Variants in CNTN4 observed in about 807,000 individuals in gnomAD.
CNTN4 encodes contactin-4.
A neutral mutation model predicts 122.5 loss-of-function variants in CNTN4; 77 were observed. That is an observed-to-expected ratio of 0.63 (90% CI 0.52 to 0.76). The LOEUF (loss-of-function observed/expected upper bound fraction) is 0.76. Among genes scored for constraint, CNTN4 ranks in the 30% least tolerant of loss-of-function variants. CNTN4 has a pLI of 0.00. For synonymous variants in CNTN4, 512 were observed against 447.0 expected (o/e 1.15, Z -1.83); for missense variants, 1,256 against 1,259.1 (o/e 1.00, Z 0.04).
rs2093987271 is a variant in CNTN4 at position 2,887,057 on chromosome 3, T to A, written c.773T>A (p.Ile258Asn). The change falls in exon 10 of 25, where the codon ATC becomes AAC. Residue 258 changes from isoleucine (I) to asparagine (N), a missense_variant. Transcript: ENST00000418658. ...FALGNPVPTI[I>N]WRRADGKPIA... Reference sequence around the variant, plus strand: ...GCTATCAGTCCAGTACCAACTATTATCTGGCGAAGAGCTGATGGAAAGCCA... The same window carrying A: ...GCTATCAGTCCAGTACCAACTATTAACTGGCGAAGAGCTGATGGAAAGCCA... 1 of 1,613,830 alleles carries A rather than the reference T, an allele frequency of 6.2e-7. No homozygotes were observed. Among genetic ancestry groups the A allele is most frequent in the African/African-American group, 1.3e-5 (1 of 74,930 alleles).
Position 2,449,639 on chromosome 3 carries a change from G to A in CNTN4, c.-89+110406G>A, listed in dbSNP as rs34609420. Among the ~76,000 whole-genome samples, 751 of 150,554 alleles carry A rather than the reference G, an allele frequency of 5.0e-3. 4 individuals are homozygous for A. The highest frequency in any genetic ancestry group is 0.017 in the Middle Eastern group (5 of 286). On this transcript the variant is annotated intron_variant, in intron 3 of 24. Transcript: ENST00000418658. ...CAAAAAAAAAAAAAAAAAAAATGCA[G>A]ACTGCTAGCTCTTTGAGATCCTGAT...
chr3:2,840,637 T>C (rs1209957573), intron 7 of CNTN4, among the ~76,000 whole-genome samples: 4 of 136,304 alleles, frequency 2.9e-5, no homozygotes, highest in East Asian at 2.2e-4. Context: ...AGGCGGAGCT[T>C]GCAGTGAGCC....
intron 13 of CNTN4, among the ~76,000 whole-genome samples, chr3:2,973,722 C>T (rs185406396): frequency 3.3e-5 from 5 of 152,056 alleles, no homozygotes; most frequent in Admixed American, 1.3e-4. Context: ...GAGATGGATA[C>T]GACCTGGGAT....
At position 2,155,853 on chromosome 3, in the gene CNTN4, T is replaced by A. The variant is rs140758665; in HGVS notation, c.-145+55214T>A. Reference sequence around the variant, plus strand: ...CATCCTTAAGATCTCAGAATAGATGTCATTTCCTCAGAAAGCACCACCTTC... The same window carrying A: ...CATCCTTAAGATCTCAGAATAGATGACATTTCCTCAGAAAGCACCACCTTC... On this transcript the variant is annotated intron_variant, in intron 2 of 24. Transcript: ENST00000418658. Among the ~76,000 whole-genome samples, 55 of 152,348 alleles carry A rather than the reference T, an allele frequency of 3.6e-4. 1 individual carries two copies. Among genetic ancestry groups the A allele is most frequent in the African/African-American group, 1.3e-3 (54 of 41,584 alleles).
intron 2 of CNTN4, among the ~76,000 whole-genome samples, chr3:2,215,150 T>G (rs1360131424): frequency 6.6e-6 from 1 of 152,234 alleles, no homozygotes; most frequent in Admixed American, 6.5e-5. Context: ...AGTGAATGTT[T>G]CCTTCTTATT....
intron 2 of CNTN4, among the ~76,000 whole-genome samples, chr3:2,120,052 A>G (rs556936092): frequency 1.9e-4 from 29 of 152,140 alleles, no homozygotes; most frequent in African/African-American, 7.0e-4. Flanking sequence ...AGAAAGTTCC[A>G]GGCAACGAAG....
rs542086723 is a variant in CNTN4, at chr3:2,122,120, A to C, written c.-145+21481A>C. On this transcript the variant is annotated intron_variant, in intron 2 of 24. Transcript: ENST00000418658. ...CAGTGAGCTGAGATTGCGCCACTGCACTCCAGCCTGGGCGACAGAGCGACA... is the reference window on the plus strand; with the variant it reads ...CAGTGAGCTGAGATTGCGCCACTGCCCTCCAGCCTGGGCGACAGAGCGACA... Among the ~76,000 whole-genome samples the C allele has an allele frequency of 2.7e-3, 412 of 150,572 alleles. 2 individuals carry two copies. Among genetic ancestry groups the C allele is most frequent in the South Asian group, 0.017 (79 of 4,764 alleles).
At chr3:2,932,680 A>T (rs1297435291) in intron 13 of CNTN4, among the ~76,000 whole-genome samples, 1 of 152,152 alleles carries the variant, frequency 6.6e-6, no homozygotes, top group African/African-American at 2.4e-5. Flanking sequence ...TCACTGGAGC[A>T]TCTGTTACTG....
intron 7 of CNTN4, among the ~76,000 whole-genome samples, chr3:2,842,365 C>G (rs376437424): frequency 1.3e-5 from 2 of 152,190 alleles, no homozygotes; most frequent in Non-Finnish European, 2.9e-5. Context: ...CAACCCCATC[C>G]TCTTGGTCAC....
chr3:2,442,385 A>G (rs2048472545), intron 3 of CNTN4, among the ~76,000 whole-genome samples: 1 of 152,236 alleles, frequency 6.6e-6, no homozygotes, highest in Admixed American at 6.5e-5. Flanking sequence ...AAAATGAGTT[A>G]TTCCAAAGTG....
chr3:2,786,611 T>G (rs996035370), intron 6 of CNTN4, among the ~76,000 whole-genome samples: 3 of 152,198 alleles, frequency 2.0e-5, no homozygotes, highest in African/African-American at 7.2e-5. Flanking sequence ...CATCTCCTGA[T>G]TACCTGAAAT....
chr3:2,127,243 T>C (rs1186479916), intron 2 of CNTN4, among the ~76,000 whole-genome samples: 1 of 152,066 alleles, frequency 6.6e-6, no homozygotes, highest in Non-Finnish European at 1.5e-5. Context: ...CAATGTGCTG[T>C]GGGTGAAGGG....
At chr3:2,511,323 C>T (rs1369784561) in intron 3 of CNTN4, 3 of 152,330 alleles carry the variant, frequency 2.0e-5, no homozygotes, top group Admixed American at 6.5e-5. Flanking sequence ...CACATTTGAT[C>T]GGAGAACAAA....
At chr3:2,763,340 T>G (rs2090685399) in intron 6 of CNTN4, among the ~76,000 whole-genome samples, 1 of 152,160 alleles carries the variant, frequency 6.6e-6, no homozygotes, top group African/African-American at 2.4e-5. Flanking sequence ...AAGTGGTGGT[T>G]TTTTCTTGTA....
chr3:2,545,322 G>A (rs1392977368), intron 3 of CNTN4, among the ~76,000 whole-genome samples: 1 of 152,088 alleles, frequency 6.6e-6, no homozygotes, highest in African/African-American at 2.4e-5. Context: ...GTGGAGATGG[G>A]AATATGTACT....
chr3:2,652,336 A>G (rs2083400049), intron 4 of CNTN4, among the ~76,000 whole-genome samples: 1 of 152,222 alleles, frequency 6.6e-6, no homozygotes, highest in South Asian at 2.1e-4. Context: ...TGCCTAAATA[A>G]GTACTAGTAA....
chr3:2,689,079 T>C, intron 4 of CNTN4, among the ~76,000 whole-genome samples: 1 of 152,166 alleles, frequency 6.6e-6, no homozygotes, highest in East Asian at 1.9e-4. Context: ...GTAACAGCAG[T>C]GTGTGAAACA....
chr3:3,008,291 G>A (rs149427835), intron 14 of CNTN4, among the ~76,000 whole-genome samples: 2 of 152,170 alleles, frequency 1.3e-5, no homozygotes, highest in South Asian at 2.1e-4. Flanking sequence ...GCAGAAAAAC[G>A]CCATTCTCCT....
At chr3:2,773,459 A>G (rs1374286430) in intron 6 of CNTN4, among the ~76,000 whole-genome samples, 1 of 152,146 alleles carries the variant, frequency 6.6e-6, no homozygotes, top group Admixed American at 6.5e-5. Context: ...GGAATCCAAC[A>G]TTCTTACGGG....
Sources: allele counts gnomAD v4.1 joint callset (sites outside exome capture counted in the v4.1 genomes callset), GRCh38; gene constraint gnomAD v4.1.1; transcripts MANE v1.5; gene names NCBI Gene and HGNC (gene_info 2026-07-23, HGNC 2026-07-21).